The following WDFY4 variants were observed in gnomAD, a reference collection of about 807,000 sequenced individuals.
WDFY4 encodes WD repeat- and FYVE domain-containing protein 4.
Under a neutral mutation model 351.9 loss-of-function variants are expected in WDFY4, and 169 were observed. The observed-to-expected ratio is 0.48, with a 90% confidence interval of 0.42 to 0.55. WDFY4 has a LOEUF of 0.55. WDFY4 is among the 20% of genes least tolerant of loss of function. The pLI, the probability that WDFY4 is intolerant of heterozygous loss-of-function variation, is 0.00. For missense variants in WDFY4, 3,803 were observed against 3,935.6 expected, an observed-to-expected ratio of 0.97 and a Z score of 0.90; for synonymous variants, 1,622 against 1,574.6, an observed-to-expected ratio of 1.03 and a Z score of -0.71.
At chr10:48,827,203 T>C (rs780361178) in intron 36 of WDFY4, among the ~76,000 whole-genome samples, 14 of 152,140 alleles carry the variant, frequency 9.2e-5, no homozygotes, top group Non-Finnish European at 1.8e-4. Flanking sequence ...ACATTAGATG[T>C]ACACATTGAT....
intron 10 of WDFY4, 145 bp from the exon 11 acceptor site, chr10:48,735,735 C>T (rs1199146728): frequency 7.4e-6 from 6 of 806,052 alleles, no homozygotes; most frequent in African/African-American, 1.7e-5. Context: ...TATGGGTTAC[C>T]AAAAAATCTA....
chr10:48,853,641 CA>C (rs1554791745), intron 39 of WDFY4, among the ~76,000 whole-genome samples: 3 of 152,104 alleles, frequency 2.0e-5, no homozygotes, highest in Non-Finnish European at 4.4e-5. Flanking sequence ...AATATTAAAT[CA>C]AAAAATGCTA....
At chr10:48,963,274 C>T (rs375398565) in intron 53 of WDFY4, among the ~76,000 whole-genome samples, 52 of 152,246 alleles carry the variant, frequency 3.4e-4, no homozygotes, top group African/African-American at 1.3e-3. Flanking sequence ...GTGTGTCAGC[C>T]GTGGACACAA....
At chr10:48,705,653 G>A (rs187682705) in intron 1 of WDFY4, among the ~76,000 whole-genome samples, 7 of 152,314 alleles carry the variant, frequency 4.6e-5, no homozygotes, top group Admixed American at 1.3e-4. Flanking sequence ...CTGCTGCCAC[G>A]CAATTTCAGG....
intron 55 of WDFY4, chr10:48,966,876 T>G: frequency 3.1e-6 from 2 of 641,420 alleles, no homozygotes; most frequent in Non-Finnish European, 5.1e-6. Context: ...AGACCCTAAC[T>G]TCTGAAGACC....
At chr10:48,794,635 C>A (rs920415040) in intron 23 of WDFY4, among the ~76,000 whole-genome samples, 4 of 152,042 alleles carry the variant, frequency 2.6e-5, no homozygotes, top group African/African-American at 7.3e-5. Context: ...ATAATTAAAA[C>A]CCAGTAAAGG....
chr10:48,761,232 G>A (rs1449922764), intron 13 of WDFY4, among the ~76,000 whole-genome samples: 1 of 152,164 alleles, frequency 6.6e-6, no homozygotes, highest in Non-Finnish European at 1.5e-5. Flanking sequence ...CTGGTCAGGC[G>A]ATGATGGGGA....
intron 39 of WDFY4, among the ~76,000 whole-genome samples, chr10:48,846,035 A>G (rs1319592005): frequency 4.6e-5 from 7 of 152,202 alleles, no homozygotes; most frequent in Non-Finnish European, 8.8e-5. Context: ...CCATCCTGCC[A>G]TCATGTCACC....
intron 2 of WDFY4, among the ~76,000 whole-genome samples, chr10:48,716,902 A>G (rs1234797545): frequency 6.6e-6 from 1 of 152,200 alleles, no homozygotes; most frequent in African/African-American, 2.4e-5. Context: ...CCAAGGCAAA[A>G]GGACAGACTT....
intron 24 of WDFY4, among the ~76,000 whole-genome samples, chr10:48,800,554 G>C (rs1355689014): frequency 6.6e-6 from 1 of 152,102 alleles, no homozygotes; most frequent in South Asian, 2.1e-4. Context: ...GTTGAGGCAA[G>C]GTTGGACAGG....
intron 25 of WDFY4, 39 bp from the exon 26 acceptor site, chr10:48,805,221 C>A: frequency 6.6e-7 from 1 of 1,519,936 alleles, no homozygotes; most frequent in Non-Finnish European, 8.8e-7. Context: ...TGGTTCATTC[C>A]AGTAAAAGCT....
chr10:48,824,994 G>A (rs2067947134), intron 35 of WDFY4, among the ~76,000 whole-genome samples: 1 of 152,122 alleles, frequency 6.6e-6, no homozygotes, highest in African/African-American at 2.4e-5. Flanking sequence ...TGTGCAGGAT[G>A]TGCAGGTTTG....
rs748446029 is a variant in WDFY4, at chr10:48,959,833, C to G, written c.8223+20C>G. 4 of 1,538,066 alleles carry G rather than the reference C, an allele frequency of 2.6e-6. 1 individual carries two copies. The highest frequency in any genetic ancestry group is 1.4e-5 in the African/African-American group (1 of 72,586). ...AGAAAGGTGAGTCAGGCCAGGACCCCTGGTATCCTGCTGGGGACCTGAACA... is the reference window on the plus strand; with the variant it reads ...AGAAAGGTGAGTCAGGCCAGGACCCGTGGTATCCTGCTGGGGACCTGAACA... On this transcript the variant is annotated intron_variant, in intron 53 of 61. Transcript: ENST00000325239.
At chr10:48,964,585 A>T (rs1434754896) in intron 54 of WDFY4, among the ~76,000 whole-genome samples, 1 of 152,184 alleles carries the variant, frequency 6.6e-6, no homozygotes, top group East Asian at 1.9e-4. Flanking sequence ...GTCCTATCTG[A>T]ATAGGTCTAA....
At chr10:48,685,286 C>T (rs78653490) in intron 1 of WDFY4, among the ~76,000 whole-genome samples, 1,812 of 152,312 alleles carry the variant, frequency 0.012, 39 homozygotes, top group African/African-American at 0.042. Context: ...TCCAGCAGCA[C>T]TCCTCGACCT....
chr10:48,922,055 G>A (rs10745286), intron 47 of WDFY4, among the ~76,000 whole-genome samples: 43,191 of 152,088 alleles, frequency 0.28, 7,047 homozygotes, highest in East Asian at 0.6. Flanking sequence ...GCCCCAAACA[G>A]AAAAATAATA....
chr10:48,924,484 A>G (rs926862694), intron 47 of WDFY4, among the ~76,000 whole-genome samples: 3 of 152,256 alleles, frequency 2.0e-5, no homozygotes, highest in Non-Finnish European at 4.4e-5. Context: ...AGATAAGCAG[A>G]TAGATGGGCG....
At chr10:48,693,748 A>G (rs887398329) in intron 1 of WDFY4, among the ~76,000 whole-genome samples, 7 of 150,876 alleles carry the variant, frequency 4.6e-5, no homozygotes, top group African/African-American at 1.7e-4. Context: ...TCTAGTGGCT[A>G]GCAGTATATT....
intron 35 of WDFY4, among the ~76,000 whole-genome samples, chr10:48,822,745 G>A (rs1286420266): frequency 1.3e-5 from 2 of 152,222 alleles, no homozygotes; most frequent in African/African-American, 4.8e-5. Flanking sequence ...CCTGAGCCCA[G>A]TCCCAGGGAT....
Sources: gnomAD v4.1 joint callset for allele counts (sites outside exome capture counted in the v4.1 genomes callset) on GRCh38, gnomAD v4.1.1 for gene constraint, MANE v1.5 for transcripts, NCBI Gene and HGNC (gene_info 2026-07-23, HGNC 2026-07-21) for gene names.